PPARGC1A: variants seen among roughly 807,000 people sequenced by gnomAD.
PPARGC1A encodes peroxisome proliferator-activated receptor gamma coactivator 1-alpha.
A neutral mutation model predicts 88.7 loss-of-function variants in PPARGC1A; 25 were observed. That is an observed-to-expected ratio of 0.28 (90% confidence interval 0.21 to 0.39). The LOEUF (loss-of-function observed/expected upper bound fraction) is 0.39. Among genes scored for constraint, PPARGC1A ranks in the 10% least tolerant of loss-of-function variants. The probability of loss-of-function intolerance (pLI) is 1.00; values close to 1 mark genes in which losing one functional copy is unlikely to be tolerated. For missense variants in PPARGC1A, 880 were observed against 968.7 expected, an observed-to-expected ratio of 0.91 and a Z score of 1.22; for synonymous variants, 363 against 355.6, an observed-to-expected ratio of 1.02 and a Z score of -0.24.
chr4:24,410,529 C>T, the PPARGC1A span, among the ~76,000 whole-genome samples: 3 of 152,130 alleles, frequency 2.0e-5, no homozygotes, highest in Non-Finnish European at 1.5e-5. Flanking sequence ...TGAGCGTCAA[C>T]TTGATTGGAT....
the PPARGC1A span, among the ~76,000 whole-genome samples, chr4:23,996,020 C>A: frequency 1.3e-5 from 2 of 152,122 alleles, no homozygotes; most frequent in Non-Finnish European, 2.9e-5. Flanking sequence ...CCTAGAAATT[C>A]TTAGCGATGC....
chr4:23,964,620 T>C, the PPARGC1A span, among the ~76,000 whole-genome samples: 1 of 152,134 alleles, frequency 6.6e-6, no homozygotes, highest in Non-Finnish European at 1.5e-5. Context: ...AGCCCGGTGT[T>C]ATAGATTTGG....
chr4:24,463,895 GCTT>G, the PPARGC1A span, among the ~76,000 whole-genome samples: 25 of 152,156 alleles, frequency 1.6e-4, no homozygotes, highest in Non-Finnish European at 2.6e-4. Context: ...TTGACTGTTT[GCTT>G]CTTTTCTTTC....
At chr4:24,002,560 G>T in the PPARGC1A span, among the ~76,000 whole-genome samples, 1 of 151,032 alleles carries the variant, frequency 6.6e-6, no homozygotes, top group African/African-American at 2.4e-5. Context: ...AAGAGATCCT[G>T]GCATAATCCC....
the PPARGC1A span, among the ~76,000 whole-genome samples, chr4:24,075,329 G>T: frequency 6.6e-6 from 1 of 152,198 alleles, no homozygotes; most frequent in Non-Finnish European, 1.5e-5. Flanking sequence ...AAAGGTAAGA[G>T]ATCAAGGCCA....
the PPARGC1A span, among the ~76,000 whole-genome samples, chr4:24,020,795 G>A: frequency 6.6e-6 from 1 of 152,108 alleles, no homozygotes; most frequent in African/African-American, 2.4e-5. Flanking sequence ...GAGCACAGGG[G>A]CATCTGGACA....
At chr4:24,153,922 A>T in the PPARGC1A span, among the ~76,000 whole-genome samples, 1 of 152,174 alleles carries the variant, frequency 6.6e-6, no homozygotes, top group African/African-American at 2.4e-5. Flanking sequence ...AAAAAACAAA[A>T]AGGTAGAGAA....
At chr4:24,041,516 T>C in the PPARGC1A span, among the ~76,000 whole-genome samples, 1 of 152,278 alleles carries the variant, frequency 6.6e-6, no homozygotes, top group Non-Finnish European at 1.5e-5. Context: ...GAAAATAGTC[T>C]CTTTATTAAA....
At chr4:24,257,762 G>C in the PPARGC1A span, among the ~76,000 whole-genome samples, 8 of 152,052 alleles carry the variant, frequency 5.3e-5, no homozygotes, top group African/African-American at 1.9e-4. Context: ...TTCACCTCAT[G>C]GAAACATTCA....
intron 7 of PPARGC1A, among the ~76,000 whole-genome samples, chr4:23,818,228 C>T (rs907499646): frequency 1.4e-4 from 21 of 152,156 alleles, no homozygotes; most frequent in Non-Finnish European, 2.2e-4. Flanking sequence ...CATGCTCTCT[C>T]TTGAACTTAG....
At chr4:23,861,438 T>G (rs1343493398) in intron 2 of PPARGC1A, among the ~76,000 whole-genome samples, 1 of 152,212 alleles carries the variant, frequency 6.6e-6, no homozygotes, top group Non-Finnish European at 1.5e-5. Flanking sequence ...TGTCATTCAT[T>G]CATTCCTTCA....
At chr4:24,218,582 G>A in the PPARGC1A span, among the ~76,000 whole-genome samples, 1 of 152,214 alleles carries the variant, frequency 6.6e-6, no homozygotes, top group Non-Finnish European at 1.5e-5. Context: ...GCATTCAAAT[G>A]TTGCTTAAAC....
intron 2 of PPARGC1A, among the ~76,000 whole-genome samples, chr4:23,858,989 TTAAAG>T: frequency 6.8e-6 from 1 of 146,266 alleles, no homozygotes; most frequent in South Asian, 2.1e-4. Flanking sequence ...TAAACATAAA[TTAAAG>T]TATGTAAATA....
At chr4:24,134,128 T>C in the PPARGC1A span, among the ~76,000 whole-genome samples, 310 of 152,278 alleles carry the variant, frequency 2.0e-3, 1 homozygote, top group African/African-American at 7.2e-3. Flanking sequence ...GACAGAGAAA[T>C]GTCCCATCTT....
the PPARGC1A span, among the ~76,000 whole-genome samples, chr4:24,326,829 T>C: frequency 1.3e-5 from 2 of 152,174 alleles, no homozygotes; most frequent in South Asian, 2.1e-4. Flanking sequence ...CTTACTGTTT[T>C]AGCCTAGCCC....
the PPARGC1A span, among the ~76,000 whole-genome samples, chr4:24,237,693 A>G: frequency 6.6e-6 from 1 of 152,198 alleles, no homozygotes; most frequent in Non-Finnish European, 1.5e-5. Flanking sequence ...TCTCTTCAAC[A>G]GAGAATGAAA....
the PPARGC1A span, among the ~76,000 whole-genome samples, chr4:23,919,669 A>T: frequency 6.6e-6 from 1 of 152,122 alleles, no homozygotes; most frequent in Non-Finnish European, 1.5e-5. Flanking sequence ...TCAGCCCTTA[A>T]AAAAAGTCCA....
the PPARGC1A span, among the ~76,000 whole-genome samples, chr4:24,073,135 A>G: frequency 6.6e-6 from 1 of 152,082 alleles, no homozygotes; most frequent in Admixed American, 6.6e-5. Context: ...TCTGCCTCCC[A>G]GGTTCAATCT....
chr4:23,870,419 G>A (rs1483382331), intron 2 of PPARGC1A, among the ~76,000 whole-genome samples: 1 of 152,156 alleles, frequency 6.6e-6, no homozygotes, highest in Admixed American at 6.5e-5. Context: ...GCCCCAGACT[G>A]TCATATTTTC....
Sources: gnomAD v4.1 joint callset for allele counts (sites outside exome capture counted in the v4.1 genomes callset) on GRCh38, gnomAD v4.1.1 for gene constraint, MANE v1.5 for transcripts, NCBI Gene and HGNC (gene_info 2026-07-23, HGNC 2026-07-21) for gene names.